JCAD: variants seen among roughly 807,000 people sequenced by gnomAD.
JCAD encodes the protein junctional cadherin 5 associated, also known as junctional cadherin 5-associated protein.
In JCAD, 40 loss-of-function variants were observed where a neutral mutation model predicts 98.0. The observed-to-expected ratio is 0.41, with a 90% CI of 0.32 to 0.53. The LOEUF (loss-of-function observed/expected upper bound fraction) is 0.53. Ranked by LOEUF, JCAD falls within the 20% of genes least tolerant of loss-of-function variation. JCAD has a pLI of 0.31. For missense variants in JCAD, 1,705 were observed against 1,738.1 expected (o/e 0.98, Z 0.34); for synonymous variants, 691 against 682.3 (o/e 1.01, Z -0.20).
intron 2 of JCAD, among the ~76,000 whole-genome samples, chr10:30,064,672 C>CT (rs551716239): frequency 0.038 from 5,624 of 146,080 alleles, 276 homozygotes; most frequent in African/African-American, 0.11. Flanking sequence ...CACGTTCTCT[C>CT]TTTTTTTTTT....
Position 30,082,240 on chromosome 10 carries a change from T to C in JCAD, n.129-12419A>G, listed in dbSNP as rs151263453. 4.0e-3 allele frequency among the ~76,000 whole-genome samples: 607 copies of C among 152,202 alleles called. 2 individuals are homozygous for C. Among genetic ancestry groups the C allele is most frequent in the South Asian group, 7.3e-3 (35 of 4,824 alleles). On this transcript the variant is annotated intron_variant and non_coding_transcript_variant, in intron 1 of 2. Transcript: ENST00000465712. ...ATCCAGCTTCCCGTAGGATGAAAAA[T>C]AGAGTTAGTTCTCAGGTAGTACTAA...
rs770396085 is a variant in JCAD, at chr10:30,028,028, C to G, written c.2120G>C (p.Gly707Ala). ...EEPQSSQLLPGAKLGGPSRAA... is the reference protein window; with the variant it reads ...EEPQSSQLLPAAKLGGPSRAA... ...ACGACTCGGCCCTCCCAGCTTTGCA[C>G]CAGGGAGCAGCTGCGAACTTTGGGG... The change falls in exon 3 of 4, where the codon GGT becomes GCT. Residue 707 changes from glycine to alanine, a missense_variant. By Grantham distance (60) the Gly-to-Ala change is moderately conservative. Coordinates refer to ENST00000375377, the MANE Select transcript of JCAD (RefSeq NM_020848.4). The G allele has an allele frequency of 3.7e-6, 6 of 1,614,118 alleles. No individual in the cohort carries two copies. The highest frequency in any genetic ancestry group is 4.2e-6 in the Non-Finnish European group (5 of 1,180,050).
intron 1 of JCAD, among the ~76,000 whole-genome samples, chr10:30,053,829 G>T (rs1378227991): frequency 1.3e-5 from 2 of 152,048 alleles, no homozygotes; most frequent in African/African-American, 4.8e-5. Flanking sequence ...TTGCGAGGCT[G>T]AGGTGGGCAG....
chr10:30,114,317 C>A (rs1209069073), intron 1 of JCAD, among the ~76,000 whole-genome samples: 2 of 152,160 alleles, frequency 1.3e-5, no homozygotes, highest in Non-Finnish European at 2.9e-5. Flanking sequence ...AAACTGTCTT[C>A]CCCCAACCCT....
At chr10:30,055,040 G>T (rs1428659865) in intron 1 of JCAD, among the ~76,000 whole-genome samples, 1 of 152,210 alleles carries the variant, frequency 6.6e-6, no homozygotes, top group Non-Finnish European at 1.5e-5. Context: ...TTGAAGAAAA[G>T]AATAAATGAG....
At chr10:30,064,007 A>G (rs756382734), upstream of JCAD, among the ~76,000 whole-genome samples, 1 of 152,024 alleles carries the variant, frequency 6.6e-6, no homozygotes, top group Non-Finnish European at 1.5e-5. Flanking sequence ...GGTTTTCACC[A>G]TGTTGGCCAG....
chr10:30,073,453 C>G (rs1033881099), intron 1 of JCAD, among the ~76,000 whole-genome samples: 10 of 152,194 alleles, frequency 6.6e-5, no homozygotes, highest in African/African-American at 2.4e-4. Context: ...TCATGGCACT[C>G]TACAAACGGG....
intron 2 of JCAD, among the ~76,000 whole-genome samples, chr10:30,047,094 G>A (rs532688563): frequency 2.0e-5 from 3 of 152,088 alleles, no homozygotes; most frequent in South Asian, 2.1e-4. Context: ...CTCTAAAAAA[G>A]GTGGCCGGGT....
In JCAD at chr10:30,047,661, G is replaced by A. The variant is rs373805992; in HGVS notation, c.152C>T (p.Pro51Leu). The A allele has an allele frequency of 6.2e-7, 1 of 1,614,216 alleles. No individual in the cohort carries two copies. Among genetic ancestry groups the A allele is most frequent in the Non-Finnish European group, 8.5e-7 (1 of 1,180,046 alleles). ...QGLQNGHEDG[P>L]AALAHRKTSA... The stretch of plus-strand genomic sequence containing the variant: ...CGTCTTACGATGTGCGAGGGCCGCA[G>A]GGCCATCCTCATGCCCGTTCTGCAG... Residue 51 changes from proline (P) to leucine (L), a missense_variant, in exon 2 of 4, where the codon CCT (proline) becomes CTT (leucine). Around this residue, in one of 3 missense-constraint regions of JCAD, gnomAD observed 152 missense variants for 148.0 expected, o/e 1.03. Coordinates refer to ENST00000375377, the MANE Select transcript of JCAD (RefSeq NM_020848.4).
intron 2 of JCAD, among the ~76,000 whole-genome samples, chr10:30,068,294 G>C (rs978064103): frequency 6.6e-6 from 1 of 150,662 alleles, no homozygotes; most frequent in African/African-American, 2.5e-5. Context: ...GGGAGGCTGA[G>C]GCAGGAGAAT....
At chr10:30,065,323 A>G (rs1224972687) in intron 2 of JCAD, among the ~76,000 whole-genome samples, 1 of 152,196 alleles carries the variant, frequency 6.6e-6, no homozygotes, top group Non-Finnish European at 1.5e-5. Context: ...TGGTTTGATT[A>G]TATGAATTTA....
At chr10:30,103,641 C>T (rs1838509447) in intron 1 of JCAD, among the ~76,000 whole-genome samples, 1 of 151,938 alleles carries the variant, frequency 6.6e-6, no homozygotes, top group Admixed American at 6.6e-5. Context: ...CCCACACACA[C>T]TCACAGCCAG....
intron 1 of JCAD, among the ~76,000 whole-genome samples, chr10:30,092,629 C>T (rs1838303855): frequency 6.6e-6 from 1 of 152,212 alleles, no homozygotes; most frequent in South Asian, 2.1e-4. Flanking sequence ...AAGCTTTCTC[C>T]TTCCTGTGGG....
At chr10:30,031,303 G>C (rs1386095598) in intron 2 of JCAD, among the ~76,000 whole-genome samples, 4 of 151,832 alleles carry the variant, frequency 2.6e-5, no homozygotes, top group Admixed American at 2.6e-4. Flanking sequence ...TAATTTTTAA[G>C]ATGTTTTTGT....
intron 2 of JCAD, among the ~76,000 whole-genome samples, chr10:30,035,895 C>T (rs1176385386): frequency 6.6e-6 from 1 of 152,196 alleles, no homozygotes; most frequent in Non-Finnish European, 1.5e-5. Flanking sequence ...AGAAGTTACA[C>T]TTGCCAACAG....
chr10:30,102,854 A>T (rs571289314), intron 1 of JCAD, among the ~76,000 whole-genome samples: 1 of 152,324 alleles, frequency 6.6e-6, no homozygotes, highest in East Asian at 1.9e-4. Flanking sequence ...TGAAGAGCAA[A>T]GTCACGTCTT....
intron 3 of JCAD, among the ~76,000 whole-genome samples, chr10:30,019,748 T>C (rs1589674137): frequency 2.0e-5 from 3 of 152,104 alleles, no homozygotes; most frequent in Admixed American, 6.6e-5. Context: ...AATTTGCTGA[T>C]AGAGTACATC....
chr10:30,112,562 G>A (rs1484473461), intron 1 of JCAD, among the ~76,000 whole-genome samples: 1 of 152,026 alleles, frequency 6.6e-6, no homozygotes, highest in Non-Finnish European at 1.5e-5. Flanking sequence ...GTCACATAAT[G>A]TATGATTTCA....
At position 30,067,691 on chromosome 10, in the gene JCAD, C is replaced by T. The variant is rs79281822; in HGVS notation, n.250+2009G>A. ...CACTGGGCTAGGCCTTGACTTATGT[C>T]CTTCGATGTACAAAAGGGTAGCACT... On this transcript the variant is annotated intron_variant and non_coding_transcript_variant, in intron 2 of 2. Transcript: ENST00000465712. Among the ~76,000 whole-genome samples the T allele has an allele frequency of 6.6e-5, 10 of 152,256 alleles. No individual in the cohort carries two copies. The East Asian group carries it at 1.7e-3, about 26-fold the overall frequency.
Sources: allele counts gnomAD v4.1 joint callset (sites outside exome capture counted in the v4.1 genomes callset), GRCh38; gene constraint gnomAD v4.1.1; regional missense constraint gnomAD v4.1.1; transcripts MANE v1.5; gene names NCBI Gene and HGNC (gene_info 2026-07-23, HGNC 2026-07-21).